The following SUSD4 variants were observed in gnomAD, a reference collection of about 807,000 sequenced individuals.
SUSD4 encodes sushi domain containing 4, also known as sushi domain-containing protein 4.
Under a neutral mutation model 50.5 loss-of-function variants are expected in SUSD4, and 41 were observed. The ratio of observed to expected loss-of-function variants is 0.81; its 90% CI spans 0.63 to 1.05. The LOEUF (loss-of-function observed/expected upper bound fraction) is 1.05, where lower values mean the gene tolerates loss of function less well. Ranked by LOEUF, SUSD4 falls within the 50% of genes least tolerant of loss-of-function variation. The pLI is 0.00. For synonymous variants in SUSD4, 257 were observed against 257.3 expected (o/e 1.00, Z 0.01); for missense variants, 580 against 634.7 (o/e 0.91, Z 0.93).
chr1:223,338,553 C>A (rs1030251088), intron 2 of SUSD4, among the ~76,000 whole-genome samples: 1 of 152,134 alleles, frequency 6.6e-6, no homozygotes, highest in Non-Finnish European at 1.5e-5. Flanking sequence ...CTCTGTTCAC[C>A]ACAAGGAGGA....
intron 2 of SUSD4, among the ~76,000 whole-genome samples, chr1:223,302,159 G>A (rs1393104632): frequency 2.0e-5 from 3 of 152,118 alleles, no homozygotes; most frequent in Non-Finnish European, 4.4e-5. Context: ...CACGTAAGAT[G>A]TGCCTGCTTC....
intron 3 of SUSD4, among the ~76,000 whole-genome samples, chr1:223,285,810 G>A (rs1664098060): frequency 6.6e-6 from 1 of 152,194 alleles, no homozygotes; most frequent in South Asian, 2.1e-4. Flanking sequence ...TGGACACAAA[G>A]TGGGGAACCA....
At chr1:223,283,953 CCAT>C (rs1397349480) in intron 3 of SUSD4, among the ~76,000 whole-genome samples, 2 of 152,090 alleles carry the variant, frequency 1.3e-5, no homozygotes, top group African/African-American at 4.8e-5. Flanking sequence ...AAGCTGAAAA[CCAT>C]CATTCTCAGC....
rs117648014 is a variant in SUSD4, at chr1:223,276,411, G to A, written c.362-7736C>T. ...AGACCGCATGAGGCAGCTGGTTCAG[G>A]AGTAACAGCTGTCAAGATTTGCACT... On this transcript the variant is annotated intron_variant, in intron 3 of 8. Coordinates refer to ENST00000366878, the MANE Select transcript of SUSD4 (RefSeq NM_017982.4). Among the ~76,000 whole-genome samples, 121 of 152,328 alleles carry A rather than the reference G, an allele frequency of 7.9e-4. No homozygotes were observed. The East Asian group carries it at 0.022, about 28-fold the overall frequency.
intron 2 of SUSD4, among the ~76,000 whole-genome samples, chr1:223,339,867 C>T (rs534532783): frequency 6.6e-6 from 1 of 152,324 alleles, no homozygotes; most frequent in South Asian, 2.1e-4. Flanking sequence ...GACCACTTTT[C>T]CGCTTACACA....
intron 4 of SUSD4, among the ~76,000 whole-genome samples, chr1:223,267,760 T>C (rs1395809011): frequency 1.3e-5 from 2 of 152,134 alleles, no homozygotes; most frequent in East Asian, 3.9e-4. Flanking sequence ...AGCACGCTGG[T>C]GCTTTTGGAG....
chr1:223,270,723 C>G (rs1327261420), intron 3 of SUSD4, among the ~76,000 whole-genome samples: 1 of 152,168 alleles, frequency 6.6e-6, no homozygotes, highest in Non-Finnish European at 1.5e-5. Context: ...GTGCATGCCA[C>G]TGTGCCCAGC....
chr1:223,310,979 G>A (rs775073336), intron 2 of SUSD4, among the ~76,000 whole-genome samples: 8 of 152,192 alleles, frequency 5.3e-5, no homozygotes, highest in Non-Finnish European at 1.2e-4. Context: ...TGCCTGAGAA[G>A]TGGCGTTCAC....
Position 223,351,706 on chromosome 1 carries a change from C to T in SUSD4, c.148+11572G>A, listed in dbSNP as rs73124216. ...CAGGGCTAACATGAATTTTGTTCCACCCTAGATTTTCCAAGTCCATGCATC... is the reference window on the plus strand; with the variant it reads ...CAGGGCTAACATGAATTTTGTTCCATCCTAGATTTTCCAAGTCCATGCATC... On this transcript the variant is annotated intron_variant, in intron 2 of 8. Transcript: ENST00000366878. Among the ~76,000 whole-genome samples, 750 of 152,146 alleles carry T rather than the reference C, an allele frequency of 4.9e-3. 7 individuals are homozygous for T. Among genetic ancestry groups the T allele is most frequent in the African/African-American group, 0.017 (704 of 41,506 alleles).
intron 2 of SUSD4, among the ~76,000 whole-genome samples, chr1:223,298,961 G>C (rs1170958496): frequency 6.6e-6 from 1 of 152,228 alleles, no homozygotes; most frequent in Non-Finnish European, 1.5e-5. Flanking sequence ...CGTCGGCACA[G>C]AACAGGGAAT....
intron 5 of SUSD4, among the ~76,000 whole-genome samples, chr1:223,249,459 C>G (rs940616326): frequency 1.3e-5 from 2 of 152,178 alleles, no homozygotes; most frequent in Non-Finnish European, 2.9e-5. Flanking sequence ...TCTGAGCCTC[C>G]AGTCTTCCTC....
At chr1:223,291,473 A>C (rs1027725782) in intron 3 of SUSD4, among the ~76,000 whole-genome samples, 1 of 123,314 alleles carries the variant, frequency 8.1e-6, no homozygotes, top group African/African-American at 3.2e-5. Flanking sequence ...TGGATGACAG[A>C]GGGAGACACT....
At chr1:223,243,669 C>G (rs1380229741) in intron 5 of SUSD4, among the ~76,000 whole-genome samples, 2 of 152,248 alleles carry the variant, frequency 1.3e-5, no homozygotes, top group East Asian at 3.8e-4. Flanking sequence ...TCCCGCCTGT[C>G]TTTAGGTACA....
At chr1:223,261,000 A>G (rs1447292239) in intron 5 of SUSD4, among the ~76,000 whole-genome samples, 2 of 152,178 alleles carry the variant, frequency 1.3e-5, no homozygotes. Flanking sequence ...ACCATGCGCC[A>G]AGAGTTGAAG....
intron 2 of SUSD4, among the ~76,000 whole-genome samples, chr1:223,340,046 G>A (rs1303531332): frequency 6.6e-6 from 1 of 152,180 alleles, no homozygotes; most frequent in Non-Finnish European, 1.5e-5. Flanking sequence ...GAAGAATTGT[G>A]GGGAATCAAG....
At chr1:223,315,933 T>A (rs1027175708) in intron 2 of SUSD4, among the ~76,000 whole-genome samples, 2 of 152,198 alleles carry the variant, frequency 1.3e-5, no homozygotes, top group Non-Finnish European at 2.9e-5. Context: ...CTTAGAAGCC[T>A]ACATTTACAA....
chr1:223,311,332 T>C (rs899803817), intron 2 of SUSD4, among the ~76,000 whole-genome samples: 2 of 152,216 alleles, frequency 1.3e-5, no homozygotes, highest in African/African-American at 4.8e-5. Flanking sequence ...CCAAAACAAA[T>C]ATCTTTCTCT....
chr1:223,221,138 G>C lies in SUSD4; in HGVS notation c.*1054C>G, dbSNP rs1195396386. The C allele has an allele frequency of 1.2e-5, 5 of 400,732 alleles. No individual in the cohort carries two copies. The highest frequency in any genetic ancestry group is 2.2e-5 in the Non-Finnish European group (5 of 226,258). 24.8% of individuals were successfully genotyped at this position (400,732 alleles called of 1,614,324 possible). On this transcript the variant is annotated 3_prime_UTR_variant, in exon 9 of 9. Transcript: ENST00000366878. ...TGAGGTGGCTGAGCTATCTGGGCTG[G>C]GAGGCCAGCCTCCTGGAATCTTAGG... is the stretch of plus-strand genomic sequence containing the variant.
rs114466969 is a variant in SUSD4, at chr1:223,248,355, A to G, written c.724+16275T>C. Among the ~76,000 whole-genome samples, 1,077 of 152,308 alleles carry G rather than the reference A, an allele frequency of 7.1e-3. 9 individuals are homozygous for G. The highest frequency in any genetic ancestry group is 0.025 in the African/African-American group (1,026 of 41,556). ...CAGGGACTCTGCTCCCATATTGTAC[A>G]GAACCACCCAACCTCTGCCTGCAGG... On this transcript the variant is annotated intron_variant, in intron 5 of 8. Coordinates refer to ENST00000366878, the MANE Select transcript of SUSD4 (RefSeq NM_017982.4).
Sources: allele counts gnomAD v4.1 joint callset (sites outside exome capture counted in the v4.1 genomes callset), GRCh38; gene constraint gnomAD v4.1.1; transcripts MANE v1.5; gene names NCBI Gene and HGNC (gene_info 2026-07-23, HGNC 2026-07-21).